The following FAM13A variants were observed in gnomAD, a reference collection of about 807,000 sequenced individuals.
The protein encoded by FAM13A is family with sequence similarity 13 member A.
Under a neutral mutation model 129.6 loss-of-function variants are expected in FAM13A, and 76 were observed. The ratio of observed to expected loss-of-function variants is 0.59; its 90% CI spans 0.49 to 0.71. The LOEUF (loss-of-function observed/expected upper bound fraction) is 0.71. Among genes scored for constraint, FAM13A ranks in the 30% least tolerant of loss-of-function variants. The pLI, the probability that FAM13A is intolerant of heterozygous loss-of-function variation, is 0.00. For missense variants in FAM13A, 1,108 were observed against 1,249.3 expected, an observed-to-expected ratio of 0.89 and a Z score of 1.70; for synonymous variants, 443 against 449.9, an observed-to-expected ratio of 0.98 and a Z score of 0.20.
chr4:88,771,811 C>T (rs1214453146), intron 11 of FAM13A, among the ~76,000 whole-genome samples: 1 of 152,248 alleles, frequency 6.6e-6, no homozygotes, highest in African/African-American at 2.4e-5. Flanking sequence ...TTTCAAAACA[C>T]AGATTCACTA....
rs575086267 is a variant in FAM13A at position 88,991,137 on chromosome 4, A to T, written c.441T>A (p.Asp147Glu). 1.3e-5 allele frequency: 21 copies of T among 1,610,004 alleles called. No homozygotes were observed. The African/African-American group carries it at 1.7e-4, about 13-fold the overall frequency. ...AGTCTCTTAAGCTACTCTCCTGAAC[A>T]TCATTTCTGCCATCTGGAAAAAAAA... is the stretch of plus-strand genomic sequence containing the variant. ...FIQLFQDGRN[D>E]VQESSLRDLI... Residue 147 changes from aspartate to glutamate, a missense_variant, in exon 4 of 24, where the codon GAT (aspartate) becomes GAA (glutamate). Transcript: ENST00000264344.
chr4:88,983,757 C>G (rs1560650408), intron 4 of FAM13A, among the ~76,000 whole-genome samples: 1 of 152,116 alleles, frequency 6.6e-6, no homozygotes, highest in Non-Finnish European at 1.5e-5. Context: ...ACAGAACATC[C>G]TATCAAAATA....
chr4:88,823,103 G>A, intron 7 of FAM13A: 3 of 1,586,326 alleles, frequency 1.9e-6, no homozygotes, highest in Non-Finnish European at 2.6e-6. Context: ...GCTAAGCTGG[G>A]TTGGGGGCAT....
At chr4:89,029,705 A>G in intron 1 of FAM13A, 56 bp from the exon 2 acceptor site, 5 of 1,450,338 alleles carry the variant, frequency 3.4e-6, no homozygotes, top group Non-Finnish European at 4.7e-6. Flanking sequence ...AGGAGGTTGC[A>G]TGGTTACAAC....
intron 7 of FAM13A, among the ~76,000 whole-genome samples, chr4:88,834,497 A>C (rs947930541): frequency 3.9e-5 from 6 of 152,182 alleles, no homozygotes; most frequent in African/African-American, 1.2e-4. Context: ...TAAATAAAGA[A>C]AATGCATTGT....
chr4:88,846,728 AC>A (rs1483577679), intron 7 of FAM13A, among the ~76,000 whole-genome samples: 3 of 152,236 alleles, frequency 2.0e-5, no homozygotes, highest in Non-Finnish European at 4.4e-5. Flanking sequence ...CAATTCAGTG[AC>A]TTTTAGTAAC....
chr4:88,951,639 C>T (rs1379923472), intron 4 of FAM13A, among the ~76,000 whole-genome samples: 1 of 152,118 alleles, frequency 6.6e-6, no homozygotes, highest in Non-Finnish European at 1.5e-5. Context: ...CATTTTCAAC[C>T]TCAGAACTCA....
At chr4:88,738,988 C>T (rs371929675) in intron 20 of FAM13A, 42 bp downstream of exon 20, 11 of 1,278,732 alleles carry the variant, frequency 8.6e-6, no homozygotes, top group Non-Finnish European at 1.3e-5. Flanking sequence ...CCCATTCAAG[C>T]GGAAAGGTGT....
chr4:88,893,642 GAATAAATAAATA>G lies in FAM13A; in HGVS notation c.843+12725_843+12736del, dbSNP rs55794702. 4.0e-5 allele frequency among the ~76,000 whole-genome samples: 5 copies of G among 126,234 alleles called. No homozygotes were observed. In the South Asian group the frequency reaches 1.0e-3, roughly 26 times the overall value. The allele number at this position is 126,234 out of a possible 152,430, so 82.8% of individuals were successfully genotyped here. A position where few individuals can be genotyped will look rare whatever the true frequency, so the allele number is the denominator to read the frequency against. ...TGTCTCAATGAATGAATGAATGAAT[GAATAAATAAATA>G]AATAAATAAATAAATAAGCCGGGCG... On this transcript the variant is annotated intron_variant, in intron 6 of 23. Coordinates refer to ENST00000264344, the MANE Select transcript of FAM13A (RefSeq NM_014883.4).
At chr4:89,044,548 A>G (rs182273325) in intron 1 of FAM13A, among the ~76,000 whole-genome samples, 18 of 152,334 alleles carry the variant, frequency 1.2e-4, no homozygotes, top group African/African-American at 3.6e-4. Context: ...ACATAGATTT[A>G]CTATATTATC....
intron 7 of FAM13A, among the ~76,000 whole-genome samples, chr4:88,819,602 CAA>C (rs1480423599): frequency 1.3e-5 from 2 of 152,076 alleles, no homozygotes; most frequent in Non-Finnish European, 2.9e-5. Flanking sequence ...TGAGATCTGA[CAA>C]AACAGATTAT....
chr4:88,899,723 T>A lies in FAM13A; in HGVS notation c.843+6656A>T, dbSNP rs1355195370. On this transcript the variant is annotated intron_variant, in intron 6 of 23. Coordinates refer to ENST00000264344, the MANE Select transcript of FAM13A (RefSeq NM_014883.4). ...TGAAAACTCAAAAAGCTAGAGTGTC[T>A]CTTCTCCAAATGACTGCAACACCTC... Among the ~76,000 whole-genome samples, 4 of 152,230 alleles carry A rather than the reference T, an allele frequency of 2.6e-5. No homozygotes were observed. The East Asian group carries it at 7.7e-4, about 29-fold the overall frequency.
chr4:88,793,079 C>T (rs773151066), intron 8 of FAM13A, among the ~76,000 whole-genome samples: 10 of 152,002 alleles, frequency 6.6e-5, no homozygotes, highest in Non-Finnish European at 1.2e-4. Context: ...TAATACATTC[C>T]TCAGTGATTC....
At chr4:88,892,478 C>T (rs1409935747) in intron 6 of FAM13A, among the ~76,000 whole-genome samples, 3 of 152,104 alleles carry the variant, frequency 2.0e-5, no homozygotes, top group Non-Finnish European at 4.4e-5. Flanking sequence ...TGCACCTGGC[C>T]CTGTCTTCTA....
intron 3 of FAM13A, among the ~76,000 whole-genome samples, chr4:89,003,283 GAA>G (rs33992424): frequency 0.44 from 64,216 of 146,372 alleles, 14,818 homozygotes; most frequent in South Asian, 0.64. Context: ...GAGCAATTTG[GAA>G]AAAAAAAAAA....
At chr4:88,744,041 C>G (rs1452957785) in intron 19 of FAM13A, among the ~76,000 whole-genome samples, 1 of 152,058 alleles carries the variant, frequency 6.6e-6, no homozygotes, top group Non-Finnish European at 1.5e-5. Context: ...TCATAATAGA[C>G]AGTAAAAAGA....
chr4:88,786,140 T>G (rs1723916399), intron 10 of FAM13A, among the ~76,000 whole-genome samples: 1 of 152,120 alleles, frequency 6.6e-6, no homozygotes. Context: ...CACATTTCCC[T>G]GCCCTGTCTG....
In FAM13A at chr4:88,747,647, C is replaced by T. The variant is rs74387785; in HGVS notation, c.2366G>A (p.Arg789His). The T allele has an allele frequency of 5.3e-4, 850 of 1,614,034 alleles. 3 individuals are homozygous for T. The Admixed American group carries it at 5.9e-3, about 11-fold the overall frequency. ...KLQEKRAESS[R>H]PEDIKDMTKD... ...TGATCGCACCTTAATGTCCTCAGGGCGGCTGCTTTCCGCTCGCTTCTCCTG... is the reference window on the plus strand; with the variant it reads ...TGATCGCACCTTAATGTCCTCAGGGTGGCTGCTTTCCGCTCGCTTCTCCTG... The change falls in exon 18 of 24, where the codon CGC becomes CAC. Residue 789 changes from arginine (R) to histidine (H), a missense_variant. By Grantham distance (29) the Arg-to-His change is conservative (BLOSUM62 0). This residue lies in a region of FAM13A where 529 missense variants were observed against 621.2 expected (regional missense o/e 0.85). Transcript: ENST00000264344.
chr4:88,775,821 G>C (rs1428658313), intron 11 of FAM13A, among the ~76,000 whole-genome samples: 1 of 152,174 alleles, frequency 6.6e-6, no homozygotes, highest in East Asian at 1.9e-4. Flanking sequence ...TATTTACTGT[G>C]TTCAGTTTTA....
Sources: allele counts gnomAD v4.1 joint callset (sites outside exome capture counted in the v4.1 genomes callset), GRCh38; gene constraint gnomAD v4.1.1; regional missense constraint gnomAD v4.1.1; transcripts MANE v1.5; gene names NCBI Gene and HGNC (gene_info 2026-07-23, HGNC 2026-07-21).